SND1: variants seen among roughly 807,000 people sequenced by gnomAD.
The protein encoded by SND1 is staphylococcal nuclease and tudor domain containing 1.
In SND1, 38 loss-of-function variants were observed where a neutral mutation model predicts 121.7. That is an observed-to-expected ratio of 0.31 (90% confidence interval 0.24 to 0.41). The LOEUF (loss-of-function observed/expected upper bound fraction) is 0.41. SND1 is among the 10% of genes least tolerant of loss of function. The probability of loss-of-function intolerance (pLI) is 1.00; values close to 1 mark genes in which losing one functional copy is unlikely to be tolerated. For synonymous variants in SND1, 401 were observed against 447.4 expected (o/e 0.90, Z 1.31); for missense variants, 868 against 1,184.6 (o/e 0.73, Z 3.92).
chr7:128,081,964 C>G (rs1413453766), intron 18 of SND1: 1 of 534,776 alleles, frequency 1.9e-6, no homozygotes, highest in Non-Finnish European at 3.8e-6. Flanking sequence ...TTCTCCTTCT[C>G]TAGAGGTTAA....
chr7:128,006,560 C>G (rs1802982911), intron 16 of SND1, among the ~76,000 whole-genome samples: 1 of 152,228 alleles, frequency 6.6e-6, no homozygotes, highest in Non-Finnish European at 1.5e-5. Context: ...GAAGTTGGCA[C>G]TGACTACAAA....
At chr7:127,701,729 G>C (rs1047649766) in intron 5 of SND1, among the ~76,000 whole-genome samples, 1 of 152,096 alleles carries the variant, frequency 6.6e-6, no homozygotes, top group Non-Finnish European at 1.5e-5. Flanking sequence ...TCTTCCTCCC[G>C]GGAATACCAG....
intron 10 of SND1, among the ~76,000 whole-genome samples, chr7:127,800,442 A>G (rs147300814): frequency 6.6e-6 from 1 of 152,344 alleles, no homozygotes; most frequent in African/African-American, 2.4e-5. Flanking sequence ...ACAGAAGGAT[A>G]TATCTGTAGA....
At chr7:128,046,575 G>T (rs1191282776) in intron 16 of SND1, among the ~76,000 whole-genome samples, 3 of 151,786 alleles carry the variant, frequency 2.0e-5, no homozygotes, top group Admixed American at 2.0e-4. Flanking sequence ...TGTTGGCCAG[G>T]CTGGTCTCAA....
intron 16 of SND1, among the ~76,000 whole-genome samples, chr7:128,039,767 C>A (rs1197210821): frequency 1.3e-5 from 2 of 152,076 alleles, no homozygotes; most frequent in Non-Finnish European, 2.9e-5. Context: ...GGCTGTTGAG[C>A]CTGAAATAGG....
At chr7:127,991,729 A>G (rs964498995) in intron 16 of SND1, among the ~76,000 whole-genome samples, 5 of 152,160 alleles carry the variant, frequency 3.3e-5, no homozygotes, top group African/African-American at 7.2e-5. Context: ...ACAGTCATCT[A>G]TAGGGTCCCT....
At chr7:127,871,358 T>A (rs1799582326) in intron 12 of SND1, among the ~76,000 whole-genome samples, 1 of 152,226 alleles carries the variant, frequency 6.6e-6, no homozygotes, top group Admixed American at 6.5e-5. Flanking sequence ...GTATGTGCTA[T>A]ACATTTATAG....
At chr7:128,023,167 C>T (rs1017933466) in intron 16 of SND1, among the ~76,000 whole-genome samples, 2 of 152,162 alleles carry the variant, frequency 1.3e-5, no homozygotes, top group Non-Finnish European at 2.9e-5. Context: ...TGCCATAGAG[C>T]TCCATTCTTC....
chr7:127,689,036 A>G (rs962327981), intron 2 of SND1, among the ~76,000 whole-genome samples: 1 of 152,374 alleles, frequency 6.6e-6, no homozygotes, highest in East Asian at 1.9e-4. Flanking sequence ...ATAGATTAAA[A>G]TAAATTTAAG....
chr7:127,849,818 G>A (rs983916572), intron 12 of SND1, among the ~76,000 whole-genome samples: 1 of 152,150 alleles, frequency 6.6e-6, no homozygotes, highest in East Asian at 1.9e-4. Flanking sequence ...CTTTCTTGAT[G>A]CATGCATCAC....
intron 10 of SND1, among the ~76,000 whole-genome samples, chr7:127,800,046 T>A (rs1798099505): frequency 6.6e-6 from 1 of 152,230 alleles, no homozygotes; most frequent in African/African-American, 2.4e-5. Flanking sequence ...AAACAGTGGC[T>A]ATCCCTGTGT....
intron 16 of SND1, among the ~76,000 whole-genome samples, chr7:128,071,951 G>A (rs1793420259): frequency 6.6e-6 from 1 of 152,172 alleles, no homozygotes; most frequent in Admixed American, 6.5e-5. Context: ...TTAGCATATC[G>A]ATTGCAGGCG....
Position 127,887,947 on chromosome 7 carries a change from C to T in SND1, c.1389C>T (p.Ile463=). The change falls in exon 13 of 24, where the codon ATC becomes ATT. Residue 463 remains isoleucine, a synonymous_variant. Transcript: ENST00000354725. The stretch of plus-strand genomic sequence containing the variant: ...TCAGCAAAGGTCTAGCCACAGTGAT[C>T]AGATACCGGCAGGATGATGACCAGA... ...ALVSKGLATV[I]RYRQDDDQRS... The T allele has an allele frequency of 6.2e-7, 1 of 1,612,310 alleles. No individual in the cohort carries two copies. Among genetic ancestry groups the T allele is most frequent in the Non-Finnish European group, 8.5e-7 (1 of 1,178,930 alleles).
chr7:127,720,266 T>C (rs1796468523), intron 9 of SND1, among the ~76,000 whole-genome samples: 1 of 152,208 alleles, frequency 6.6e-6, no homozygotes, highest in South Asian at 2.1e-4. Context: ...CAGCTGACCC[T>C]GTAAGTTTGT....
intron 15 of SND1, among the ~76,000 whole-genome samples, chr7:127,940,879 G>C (rs1015524505): frequency 3.3e-5 from 5 of 152,224 alleles, no homozygotes; most frequent in African/African-American, 1.2e-4. Flanking sequence ...TTGCTCTCCT[G>C]CTGGCCTTGA....
chr7:127,959,387 A>G (rs1413281033), intron 15 of SND1, among the ~76,000 whole-genome samples: 3 of 152,070 alleles, frequency 2.0e-5, no homozygotes, highest in South Asian at 2.1e-4. Flanking sequence ...GTACCATTCT[A>G]TTCTAACAGT....
At chr7:127,728,633 G>C (rs2116404897) in intron 10 of SND1, among the ~76,000 whole-genome samples, 1 of 152,292 alleles carries the variant, frequency 6.6e-6, no homozygotes, top group African/African-American at 2.4e-5. Context: ...CCATTGTGAA[G>C]TCTCACCTCT....
At chr7:127,817,726 T>G (rs77583029) in intron 11 of SND1, among the ~76,000 whole-genome samples, 1 of 125,900 alleles carries the variant, frequency 7.9e-6, no homozygotes, top group East Asian at 2.3e-4. Flanking sequence ...TCATACTTTT[T>G]TTTTTTTTTT....
At chr7:127,707,447 TG>T in intron 8 of SND1, 109 bp from the exon 9 acceptor site, 1 of 735,182 alleles carries the variant, frequency 1.4e-6, no homozygotes, top group Non-Finnish European at 2.3e-6. Flanking sequence ...GTCTTTCTTC[TG>T]GATACATCTA....
Sources: allele counts gnomAD v4.1 joint callset (sites outside exome capture counted in the v4.1 genomes callset), GRCh38; gene constraint gnomAD v4.1.1; transcripts MANE v1.5; gene names NCBI Gene and HGNC (gene_info 2026-07-23, HGNC 2026-07-21).